MOB1B: variants seen among roughly 807,000 people sequenced by gnomAD.
MOB1B encodes MOB kinase activator 1B, also known as MOB1 Mps One Binder homolog B.
In MOB1B, 19 loss-of-function variants were observed where a neutral mutation model predicts 24.4. The observed-to-expected ratio is 0.78, with a 90% CI of 0.54 to 1.14. MOB1B has a LOEUF of 1.14. MOB1B is among the 50% of genes most tolerant of loss of function. MOB1B has a pLI of 0.00. For synonymous variants in MOB1B, 76 were observed against 82.1 expected (o/e 0.93, Z 0.40); for missense variants, 243 against 259.6 (o/e 0.94, Z 0.44).
At chr4:70,950,214 TCTC>T (rs1045028981) in intron 1 of MOB1B, among the ~76,000 whole-genome samples, 1 of 151,954 alleles carries the variant, frequency 6.6e-6, no homozygotes, top group Non-Finnish European at 1.5e-5. Flanking sequence ...GATGGGCAGA[TCTC>T]CTGAGGTCAG....
At chr4:70,955,195 T>TGG (rs1019880294) in intron 1 of MOB1B, among the ~76,000 whole-genome samples, 3 of 152,100 alleles carry the variant, frequency 2.0e-5, no homozygotes, top group Admixed American at 6.6e-5. Context: ...TAGATGACTC[T>TGG]GGGGGAGGTG....
At position 70,986,762 on chromosome 4, in the gene MOB1B, A is replaced by C. The variant is rs550060016; in HGVS notation, c.*4705A>C. ...ATGATAAATGTTTAGCAGTAAAGCT[A>C]TCTTAAGATTTAATGGAAAAGTTTA... On this transcript the variant is annotated 3_prime_UTR_variant, in exon 6 of 6. Coordinates refer to ENST00000309395, the MANE Select transcript of MOB1B (RefSeq NM_173468.4). 6.6e-6 allele frequency: 1 copy of C among 152,192 alleles called. No individual in the cohort carries two copies. Among genetic ancestry groups the C allele is most frequent in the African/African-American group, 2.4e-5 (1 of 41,466 alleles). The allele number at this position is 152,192 out of a possible 1,614,324, so 9.4% of individuals were successfully genotyped here.
intron 1 of MOB1B, among the ~76,000 whole-genome samples, chr4:70,916,389 C>CTT (rs1736195720): frequency 6.6e-6 from 1 of 152,186 alleles, no homozygotes; most frequent in African/African-American, 2.4e-5. Flanking sequence ...CATTTAAAAC[C>CTT]TTTGAGAGAA....
chr4:70,902,420 G>A lies in MOB1B; in HGVS notation c.-117G>A, dbSNP rs576721531. ...TGCGGCCACCGAGCAGCCGGCTCTC[G>A]GCACCTCCTCCTCCGCCTCCCTGTC... is the stretch of plus-strand genomic sequence containing the variant. On this transcript the variant is annotated 5_prime_UTR_variant, in exon 1 of 6. Coordinates refer to ENST00000309395, the MANE Select transcript of MOB1B (RefSeq NM_173468.4). The A allele has an allele frequency of 1.8e-5, 21 of 1,160,360 alleles. No individual in the cohort carries two copies. In the African/African-American group the frequency reaches 3.1e-4, roughly 17 times the overall value. 71.9% of individuals were successfully genotyped at this position (1,160,360 alleles called of 1,614,324 possible).
chr4:70,979,437 G>A (rs2148904641), intron 5 of MOB1B, 146 bp downstream of exon 5: 1 of 576,166 alleles, frequency 1.7e-6, no homozygotes, highest in Admixed American at 3.3e-5. Flanking sequence ...ATGATGATAA[G>A]GACTGACTTT....
At chr4:70,963,458 TAGTA>T (rs1738386265) in intron 2 of MOB1B, among the ~76,000 whole-genome samples, 1 of 152,162 alleles carries the variant, frequency 6.6e-6, no homozygotes, top group African/African-American at 2.4e-5. Flanking sequence ...AGGATATTAA[TAGTA>T]AGTTGAAATC....
intron 1 of MOB1B, among the ~76,000 whole-genome samples, chr4:70,955,980 T>A (rs1448548381): frequency 6.6e-6 from 1 of 152,120 alleles, no homozygotes; most frequent in South Asian, 2.1e-4. Flanking sequence ...CTAGCAATGC[T>A]TCTGCCTCAG....
intron 1 of MOB1B, among the ~76,000 whole-genome samples, chr4:70,949,341 GCTGT>G (rs1303953327): frequency 2.0e-5 from 3 of 152,204 alleles, no homozygotes; most frequent in Admixed American, 1.3e-4. Context: ...TGTTCAGACT[GCTGT>G]CTGTCTTGAA....
chr4:70,941,759 G>A (rs777430552), intron 1 of MOB1B, among the ~76,000 whole-genome samples: 65 of 151,874 alleles, frequency 4.3e-4, no homozygotes, highest in Non-Finnish European at 7.4e-4. Flanking sequence ...ATTAACATTC[G>A]AACATTCAAA....
At chr4:70,927,030 G>C (rs532429757) in intron 1 of MOB1B, among the ~76,000 whole-genome samples, 1 of 151,774 alleles carries the variant, frequency 6.6e-6, no homozygotes, top group African/African-American at 2.4e-5. Flanking sequence ...ATAAGATGCG[G>C]TCTCTGTCCT....
intron 5 of MOB1B, among the ~76,000 whole-genome samples, chr4:70,980,985 A>G (rs1213315775): frequency 1.3e-5 from 2 of 152,064 alleles, no homozygotes; most frequent in Non-Finnish European, 2.9e-5. Flanking sequence ...TCATGTCACT[A>G]CTTTCCAGTG....
intron 5 of MOB1B, among the ~76,000 whole-genome samples, chr4:70,980,238 C>T (rs140826013): frequency 6.6e-6 from 1 of 152,300 alleles, no homozygotes; most frequent in African/African-American, 2.4e-5. Context: ...AACTGTTGCT[C>T]TCAACAGTTA....
rs1176857632 is a variant in MOB1B at position 70,986,600 on chromosome 4, AT to A, written c.*4545del. On this transcript the variant is annotated 3_prime_UTR_variant, in exon 6 of 6. Transcript: ENST00000309395. Reference sequence around the variant, plus strand: ...ATTTATACTTTAAGCTTATTTTAAAATTAAAGAATATATACCAATTCTTAGA... The same window carrying A: ...ATTTATACTTTAAGCTTATTTTAAAATAAAGAATATATACCAATTCTTAGA... 6.6e-6 allele frequency: 1 copy of A among 152,164 alleles called. No homozygotes were observed. The highest frequency in any genetic ancestry group is 1.5e-5 in the Non-Finnish European group (1 of 67,988). 9.4% of individuals were successfully genotyped at this position (152,164 alleles called of 1,614,324 possible).
At chr4:70,926,317 C>T (rs1034998207) in intron 1 of MOB1B, among the ~76,000 whole-genome samples, 2 of 151,260 alleles carry the variant, frequency 1.3e-5, no homozygotes, top group African/African-American at 2.4e-5. Flanking sequence ...GAACAGTGGC[C>T]TATGAGTGAG....
intron 1 of MOB1B, among the ~76,000 whole-genome samples, chr4:70,943,821 T>C (rs1560647348): frequency 6.6e-6 from 1 of 152,098 alleles, no homozygotes; most frequent in East Asian, 1.9e-4. Flanking sequence ...TAATAAGCCT[T>C]CAAGTGGGTA....
chr4:70,958,975 G>T lies in MOB1B; in HGVS notation c.116G>T (p.Gly39Val). ...CACGCAGAAGCCACACTTGGCAGTG[G>T]CAACCTTCGGATGGCTGTCATGCTT... is the stretch of plus-strand genomic sequence containing the variant. The part of the protein sequence containing the change: ...LKHAEATLGS[G>V]NLRMAVMLPE... The change falls in exon 2 of 6, where the codon GGC becomes GTC. Residue 39 changes from glycine to valine, a missense_variant. Physicochemically the swap from Gly to Val is moderately radical, Grantham distance 109. Transcript: ENST00000309395. The T allele has an allele frequency of 6.2e-7, 1 of 1,614,094 alleles. No homozygotes were observed. The highest frequency in any genetic ancestry group is 8.5e-7 in the Non-Finnish European group (1 of 1,179,996).
At chr4:70,958,414 T>C (rs1291441333) in intron 1 of MOB1B, among the ~76,000 whole-genome samples, 1 of 152,060 alleles carries the variant, frequency 6.6e-6, no homozygotes, top group Non-Finnish European at 1.5e-5. Flanking sequence ...GTAATCCGCC[T>C]ACCTCTGCCT....
chr4:70,968,333 C>T (rs191635154), intron 2 of MOB1B, among the ~76,000 whole-genome samples: 137 of 152,164 alleles, frequency 9.0e-4, no homozygotes, highest in Non-Finnish European at 1.3e-3. Context: ...TTTTTTGAGA[C>T]GGAGTTTTGC....
intron 1 of MOB1B, among the ~76,000 whole-genome samples, chr4:70,907,938 G>T (rs929666241): frequency 1.3e-5 from 2 of 152,076 alleles, no homozygotes; most frequent in Non-Finnish European, 2.9e-5. Context: ...ATGCTACCAC[G>T]CCTGGCTACA....
Sources: allele counts gnomAD v4.1 joint callset (sites outside exome capture counted in the v4.1 genomes callset), GRCh38; gene constraint gnomAD v4.1.1; transcripts MANE v1.5; gene names NCBI Gene and HGNC (gene_info 2026-07-23, HGNC 2026-07-21).